Variants in UBE2D1 observed in about 807,000 individuals in gnomAD.
UBE2D1 encodes the protein ubiquitin conjugating enzyme E2 D1, also known as ubiquitin-conjugating enzyme E2 D1.
In UBE2D1, 9 loss-of-function variants were observed where a neutral mutation model predicts 24.6. That is an observed-to-expected ratio of 0.37 (90% CI 0.22 to 0.64). UBE2D1 has a LOEUF of 0.64. Ranked by LOEUF, UBE2D1 falls within the 30% of genes least tolerant of loss-of-function variation. The pLI is 0.64. For synonymous variants in UBE2D1, 57 were observed against 57.6 expected, an observed-to-expected ratio of 0.99 and a Z score of 0.04; for missense variants, 87 against 177.1, an observed-to-expected ratio of 0.49 and a Z score of 2.89.
At chr10:58,349,474 C>T (rs1319673749) in intron 1 of UBE2D1, among the ~76,000 whole-genome samples, 2 of 151,964 alleles carry the variant, frequency 1.3e-5, no homozygotes, top group East Asian at 1.9e-4. Context: ...GAAATGAAAC[C>T]GAAATACACA....
intron 3 of UBE2D1, among the ~76,000 whole-genome samples, chr10:58,362,524 C>CAT (rs1840211008): frequency 6.6e-6 from 1 of 152,224 alleles, no homozygotes; most frequent in East Asian, 1.9e-4. Context: ...AAAATACTCT[C>CAT]ATTTAAAGGC....
At chr10:58,338,760 A>T (rs1307241208) in intron 1 of UBE2D1, among the ~76,000 whole-genome samples, 2 of 135,370 alleles carry the variant, frequency 1.5e-5, no homozygotes, top group Admixed American at 1.4e-4. Context: ...TACTAGCATT[A>T]TGTGATGTGA....
Position 58,335,237 on chromosome 10 carries a change from G to A in UBE2D1, c.24+12G>A, listed in dbSNP as rs202128454. 1,326 of 1,534,684 alleles carry A rather than the reference G, an allele frequency of 8.6e-4. 8 individuals are homozygous for A. In the African/African-American group the frequency reaches 0.017, roughly 19 times the overall value. ...AGAGGATTCAGAAAGTGAGTGCCGGGGCCGGGCCTGGGGCTGCGGGGCAGC... is the reference window on the plus strand; with the variant it reads ...AGAGGATTCAGAAAGTGAGTGCCGGAGCCGGGCCTGGGGCTGCGGGGCAGC... On this transcript the variant is annotated intron_variant, in intron 1 of 6. Coordinates refer to ENST00000373910, the MANE Select transcript of UBE2D1 (RefSeq NM_003338.5).
At chr10:58,367,071 C>T (rs1468500626) in intron 5 of UBE2D1, among the ~76,000 whole-genome samples, 1 of 151,864 alleles carries the variant, frequency 6.6e-6, no homozygotes, top group East Asian at 1.9e-4. Flanking sequence ...TTCATAACAC[C>T]CCCCCACCCT....
chr10:58,363,898 A>G (rs1589003950), intron 4 of UBE2D1, among the ~76,000 whole-genome samples: 1 of 152,038 alleles, frequency 6.6e-6, no homozygotes, highest in Non-Finnish European at 1.5e-5. Context: ...AGTACGTGTC[A>G]TGCTATAAAT....
At chr10:58,363,528 G>A (rs1330467710) in intron 3 of UBE2D1, 81 bp from the exon 4 acceptor site, 1 of 987,708 alleles carries the variant, frequency 1.0e-6, no homozygotes, top group African/African-American at 1.7e-5. Flanking sequence ...TTTTCAAACT[G>A]ATAATATTTG....
At chr10:58,351,872 A>G (rs1372613146) in intron 1 of UBE2D1, among the ~76,000 whole-genome samples, 1 of 152,194 alleles carries the variant, frequency 6.6e-6, no homozygotes, top group Admixed American at 6.5e-5. Context: ...GATGGCTACA[A>G]GGTCATTAGG....
chr10:58,368,621 A>G (rs551618807), intron 6 of UBE2D1, 99 bp from the exon 7 acceptor site: 50 of 693,066 alleles, frequency 7.2e-5, no homozygotes, highest in Non-Finnish European at 1.0e-4. Flanking sequence ...GATTATTGCA[A>G]TTAAGTATAA....
intron 1 of UBE2D1, among the ~76,000 whole-genome samples, chr10:58,357,865 C>T (rs965390623): frequency 2.6e-5 from 4 of 152,078 alleles, no homozygotes; most frequent in Non-Finnish European, 4.4e-5. Context: ...GTTTGATATA[C>T]TATCAGCTGC....
At chr10:58,351,887 A>G (rs1840081069) in intron 1 of UBE2D1, among the ~76,000 whole-genome samples, 1 of 152,194 alleles carries the variant, frequency 6.6e-6, no homozygotes. Context: ...ATTAGGTGAT[A>G]GGAATTTTTC....
At chr10:58,351,200 A>G (rs1052185304) in intron 1 of UBE2D1, among the ~76,000 whole-genome samples, 1 of 152,206 alleles carries the variant, frequency 6.6e-6, no homozygotes, top group East Asian at 1.9e-4. Context: ...GTATATACAC[A>G]TTTATATGAA....
Position 58,369,720 on chromosome 10 carries a change from T to C in UBE2D1, c.*955T>C, listed in dbSNP as rs1414019903. The C allele has an allele frequency of 6.6e-6, 1 of 152,072 alleles. No individual in the cohort carries two copies. The highest frequency in any genetic ancestry group is 1.9e-4 in the East Asian group (1 of 5,322). 9.4% of individuals were successfully genotyped at this position (152,072 alleles called of 1,614,324 possible). ...TTTGTTTGCCATTAGTCACCATTAG[T>C]TATATAAATTTTATTGTTTTAGGTT... is the stretch of plus-strand genomic sequence containing the variant. On this transcript the variant is annotated 3_prime_UTR_variant, in exon 7 of 7. Coordinates refer to ENST00000373910, the MANE Select transcript of UBE2D1 (RefSeq NM_003338.5).
intron 1 of UBE2D1, among the ~76,000 whole-genome samples, chr10:58,344,360 C>G (rs971993557): frequency 2.0e-5 from 3 of 152,092 alleles, no homozygotes; most frequent in African/African-American, 7.2e-5. Context: ...ATGGTCTGTC[C>G]CTTTGTCCTA....
At chr10:58,349,338 TTGA>T (rs1475510759) in intron 1 of UBE2D1, among the ~76,000 whole-genome samples, 4 of 152,190 alleles carry the variant, frequency 2.6e-5, no homozygotes, top group Non-Finnish European at 4.4e-5. Context: ...TTTCACCAGT[TTGA>T]TGATATTTAT....
intron 1 of UBE2D1, 130 bp from the exon 2 acceptor site, chr10:58,361,206 TTA>T (rs1840193740): frequency 3.4e-6 from 3 of 878,444 alleles, no homozygotes; most frequent in African/African-American, 3.4e-5. Flanking sequence ...AGAGTACAAT[TTA>T]TGTTTTTATA....
At position 58,335,268 on chromosome 10, in the gene UBE2D1, C is replaced by G. The variant is rs761798450; in HGVS notation, c.24+43C>G. ...GCCTGGGGCTGCGGGGCAGCGGCCC[C>G]CTGCCCACGCTGACTCGGCCAGTGG... is the stretch of plus-strand genomic sequence containing the variant. On this transcript the variant is annotated intron_variant, in intron 1 of 6. Coordinates refer to ENST00000373910, the MANE Select transcript of UBE2D1 (RefSeq NM_003338.5). 48 of 1,496,892 alleles carry G rather than the reference C, an allele frequency of 3.2e-5. 1 individual carries two copies. The African/African-American group carries it at 6.7e-4, about 21-fold the overall frequency. 92.7% of individuals were successfully genotyped at this position (1,496,892 alleles called of 1,614,324 possible). A position where few individuals can be genotyped will look rare whatever the true frequency, so the allele number is the denominator to read the frequency against.
Position 58,367,970 on chromosome 10 carries a change from C to G in UBE2D1, c.352C>G (p.Pro118Ala), listed in dbSNP as rs143002414. Residue 118 changes from proline to alanine, a missense_variant, in exon 6 of 7, where the codon CCC becomes GCC. Transcript: ENST00000373910. ...ACTTTGTGATCCTAATCCAGATGAC[C>G]CCTTAGTACCAGATATTGCACAAAT... is the stretch of plus-strand genomic sequence containing the variant. ...SLLCDPNPDD[P>A]LVPDIAQIYK... 1 of 1,610,378 alleles carries G rather than the reference C, an allele frequency of 6.2e-7. No homozygotes were observed. Among genetic ancestry groups the G allele is most frequent in the Admixed American group, 1.7e-5 (1 of 59,830 alleles).
chr10:58,368,943 CTG>C lies in UBE2D1; in HGVS notation c.*181_*182del, dbSNP rs1840285956. The C allele has an allele frequency of 2.6e-6, 1 of 383,580 alleles. No individual in the cohort carries two copies. Among genetic ancestry groups the C allele is most frequent in the African/African-American group, 2.1e-5 (1 of 48,012 alleles). 23.8% of individuals were successfully genotyped at this position (383,580 alleles called of 1,614,324 possible). Reference sequence around the variant, plus strand: ...CAAACTTCCAAAAATACCCTTAAGACTGTGATGAGAGCATTTATCATTTTGTA... The same window carrying C: ...CAAACTTCCAAAAATACCCTTAAGACTGATGAGAGCATTTATCATTTTGTA... On this transcript the variant is annotated 3_prime_UTR_variant, in exon 7 of 7. Transcript: ENST00000373910.
Position 58,368,732 on chromosome 10 carries a change from T to C in UBE2D1, c.411T>C (p.His137=), listed in dbSNP as rs1476653548. The change falls in exon 7 of 7, where the codon CAT becomes CAC. Residue 137 remains histidine (H), a synonymous_variant. Transcript: ENST00000373910. The part of the protein sequence containing the change: ...YKSDKEKYNR[H]AREWTQKYAM Reference sequence around the variant, plus strand: ...TGTGTATCTACAGATACAACAGACATGCAAGAGAATGGACTCAGAAATATG... The same window carrying C: ...TGTGTATCTACAGATACAACAGACACGCAAGAGAATGGACTCAGAAATATG... The C allele has an allele frequency of 6.3e-7, 1 of 1,590,680 alleles. No homozygotes were observed. The highest frequency in any genetic ancestry group is 1.1e-5 in the South Asian group (1 of 87,884).
Sources: allele counts gnomAD v4.1 joint callset (sites outside exome capture counted in the v4.1 genomes callset), GRCh38; gene constraint gnomAD v4.1.1; transcripts MANE v1.5; gene names NCBI Gene and HGNC (gene_info 2026-07-23, HGNC 2026-07-21).